ULK4: variants seen among roughly 807,000 people sequenced by gnomAD.
The protein encoded by ULK4 is inactive serine/threonine-protein kinase ULK4.
In ULK4, 133 loss-of-function variants were observed where a neutral mutation model predicts 160.6. That is an observed-to-expected ratio of 0.83 (90% confidence interval 0.72 to 0.96). The LOEUF is 0.96. Among genes scored for constraint, ULK4 ranks in the 40% least tolerant of loss-of-function variants. The probability of loss-of-function intolerance (pLI) is 0.00; values close to 1 mark genes in which losing one functional copy is unlikely to be tolerated. For synonymous variants in ULK4, 534 were observed against 539.8 expected (o/e 0.99, Z 0.15); for missense variants, 1,580 against 1,499.5 (o/e 1.05, Z -0.89).
At chr3:41,412,850 T>A (rs1417057109) in intron 34 of ULK4, among the ~76,000 whole-genome samples, 1 of 152,114 alleles carries the variant, frequency 6.6e-6, no homozygotes, top group African/African-American at 2.4e-5. Flanking sequence ...CATGAACCAC[T>A]GTGCCTGGCC....
chr3:41,746,092 G>A (rs1423355630), intron 22 of ULK4, among the ~76,000 whole-genome samples: 1 of 150,868 alleles, frequency 6.6e-6, no homozygotes, highest in African/African-American at 2.4e-5. Context: ...TTCCCTACAA[G>A]GCCAGAAACA....
At chr3:41,931,451 G>A (rs920235255) in intron 5 of ULK4, among the ~76,000 whole-genome samples, 43 of 138,890 alleles carry the variant, frequency 3.1e-4, no homozygotes, top group African/African-American at 1.1e-3. Flanking sequence ...TGTATGTTCT[G>A]CACATGTACC....
intron 31 of ULK4, among the ~76,000 whole-genome samples, chr3:41,571,193 G>A (rs2087958933): frequency 2.0e-5 from 3 of 152,138 alleles, no homozygotes; most frequent in African/African-American, 7.2e-5. Context: ...CCCTCTTACA[G>A]GTATATATGC....
intron 20 of ULK4, among the ~76,000 whole-genome samples, chr3:41,790,119 T>C (rs1018682338): frequency 2.0e-5 from 3 of 152,224 alleles, no homozygotes; most frequent in African/African-American, 4.8e-5. Flanking sequence ...AAAATGTCCC[T>C]TTAATTAATA....
At chr3:41,863,081 T>C (rs896384607) in intron 17 of ULK4, among the ~76,000 whole-genome samples, 2 of 152,166 alleles carry the variant, frequency 1.3e-5, no homozygotes, top group African/African-American at 4.8e-5. Context: ...AGAAGTGCCA[T>C]CCAGGAGTCA....
At chr3:41,919,615 A>T (rs1241692735) in intron 6 of ULK4, 102 bp downstream of exon 6, 8 of 975,274 alleles carry the variant, frequency 8.2e-6, no homozygotes, top group Non-Finnish European at 1.2e-5. Flanking sequence ...ATAAAAAAAA[A>T]TCTAGTTTTT....
chr3:41,534,465 C>CT (rs201862442), intron 32 of ULK4, among the ~76,000 whole-genome samples: 339 of 139,806 alleles, frequency 2.4e-3, no homozygotes, highest in East Asian at 0.014. Flanking sequence ...AAAGGTCTTA[C>CT]TTTTTTTTAT....
intron 22 of ULK4, among the ~76,000 whole-genome samples, chr3:41,734,079 A>G (rs555478059): frequency 2.3e-4 from 35 of 152,220 alleles, no homozygotes; most frequent in Admixed American, 8.5e-4. Context: ...TGTGGAAAAC[A>G]TATTACTGGG....
chr3:41,624,623 C>T (rs1366485096), intron 30 of ULK4, among the ~76,000 whole-genome samples: 1 of 151,954 alleles, frequency 6.6e-6, no homozygotes, highest in Non-Finnish European at 1.5e-5. Flanking sequence ...TTTGATTTGA[C>T]TAATTATGTA....
rs546594072 is a variant in ULK4 at position 41,915,208 on chromosome 3, A to C, written c.803+769T>G. ...CCACCAAAATAACACTAATGTTGAA[A>C]GCATTCTAATATAAGTAAAGGATGT... On this transcript the variant is annotated intron_variant, in intron 8 of 36. Coordinates refer to ENST00000301831, the MANE Select transcript of ULK4 (RefSeq NM_017886.4). Among the ~76,000 whole-genome samples the C allele has an allele frequency of 1.3e-4, 20 of 152,358 alleles. No homozygotes were observed. The East Asian group carries it at 3.7e-3, about 28-fold the overall frequency.
intron 32 of ULK4, among the ~76,000 whole-genome samples, chr3:41,556,394 A>G (rs2087301082): frequency 6.6e-6 from 1 of 152,104 alleles, no homozygotes; most frequent in Admixed American, 6.6e-5. Context: ...TTATTACTAC[A>G]GAAATAGAGA....
chr3:41,477,602 ATGAT>A (rs1174897757), intron 32 of ULK4, among the ~76,000 whole-genome samples: 9 of 152,234 alleles, frequency 5.9e-5, no homozygotes, highest in Non-Finnish European at 1.2e-4. Flanking sequence ...AAACTGATCA[ATGAT>A]TAACCACTAA....
rs139058125 is a variant in ULK4 at position 41,477,224 on chromosome 3, C to T, written c.3227-13971G>A. Among the ~76,000 whole-genome samples, 746 of 152,220 alleles carry T rather than the reference C, an allele frequency of 4.9e-3. 10 individuals carry two copies. The highest frequency in any genetic ancestry group is 0.013 in the African/African-American group (540 of 41,516). Reference sequence around the variant, plus strand: ...AAGCAAACCCCTAAAGGAGTCTCTCCGTAAGTTATTTTCAAGTGTTTAATG... The same window carrying T: ...AAGCAAACCCCTAAAGGAGTCTCTCTGTAAGTTATTTTCAAGTGTTTAATG... On this transcript the variant is annotated intron_variant, in intron 32 of 36. Transcript: ENST00000301831.
intron 31 of ULK4, among the ~76,000 whole-genome samples, chr3:41,577,390 G>A (rs2088226997): frequency 6.6e-6 from 1 of 152,142 alleles, no homozygotes; most frequent in African/African-American, 2.4e-5. Flanking sequence ...GAACATATGA[G>A]ATGTTTTGAT....
chr3:41,888,602 C>G (rs1031735516), intron 16 of ULK4, among the ~76,000 whole-genome samples: 1 of 152,206 alleles, frequency 6.6e-6, no homozygotes, highest in Non-Finnish European at 1.5e-5. Flanking sequence ...TCAGTCAGGT[C>G]CTGCCTCTTT....
intron 19 of ULK4, among the ~76,000 whole-genome samples, chr3:41,810,655 AAAAAATTTAAGAC>A (rs1311153187): frequency 6.6e-6 from 1 of 152,188 alleles, no homozygotes; most frequent in Non-Finnish European, 1.5e-5. Flanking sequence ...TCTCTATTTT[AAAAAATTTAAGAC>A]AAAAATAAAG....
intron 32 of ULK4, among the ~76,000 whole-genome samples, chr3:41,527,371 T>C (rs145916171): frequency 6.6e-6 from 1 of 152,364 alleles, no homozygotes; most frequent in African/African-American, 2.4e-5. Context: ...CTGTGATGCT[T>C]ACTATGTGTG....
At chr3:41,472,787 C>A (rs1412650955) in intron 32 of ULK4, among the ~76,000 whole-genome samples, 2 of 152,034 alleles carry the variant, frequency 1.3e-5, no homozygotes, top group Non-Finnish European at 2.9e-5. Context: ...CCAGCATTAC[C>A]CTCATACCAA....
intron 5 of ULK4, among the ~76,000 whole-genome samples, chr3:41,926,984 G>C (rs1177382650): frequency 5.9e-5 from 9 of 152,068 alleles, no homozygotes; most frequent in Admixed American, 5.9e-4. Context: ...TTCAAATTCA[G>C]GAAATACAAG....
Sources: gnomAD v4.1 joint callset for allele counts (sites outside exome capture counted in the v4.1 genomes callset) on GRCh38, gnomAD v4.1.1 for gene constraint, MANE v1.5 for transcripts, NCBI Gene and HGNC (gene_info 2026-07-23, HGNC 2026-07-21) for gene names.